Variants in DCTN4 observed in about 807,000 individuals in gnomAD.
DCTN4 encodes dynactin 4 (p62).
A neutral mutation model predicts 62.7 loss-of-function variants in DCTN4; 23 were observed. The ratio of observed to expected loss-of-function variants is 0.37; its 90% CI spans 0.26 to 0.52. DCTN4 has a LOEUF of 0.52. Ranked by LOEUF, DCTN4 falls within the 20% of genes least tolerant of loss-of-function variation. The pLI, the probability that DCTN4 is intolerant of heterozygous loss-of-function variation, is 0.92. For synonymous variants in DCTN4, 199 were observed against 202.1 expected (o/e 0.98, Z 0.13); for missense variants, 514 against 580.4 (o/e 0.89, Z 1.18).
At chr5:150,749,166 A>G (rs180674543) in intron 3 of DCTN4, among the ~76,000 whole-genome samples, 1 of 152,326 alleles carries the variant, frequency 6.6e-6, no homozygotes, top group Non-Finnish European at 1.5e-5. Context: ...GAAAAGGAAA[A>G]GGCAAGGCAC....
intron 4 of DCTN4, among the ~76,000 whole-genome samples, chr5:150,741,118 T>C (rs538558646): frequency 1.1e-4 from 16 of 139,308 alleles, no homozygotes; most frequent in Admixed American, 5.9e-4. Flanking sequence ...TGAGCTGTGA[T>C]CATGCAACTG....
chr5:150,758,633 T>A (rs1752949672), intron 1 of DCTN4: 1 of 1,254,024 alleles, frequency 8.0e-7, no homozygotes, highest in Admixed American at 3.2e-5. Context: ...GTTTGTCCAA[T>A]CAGAGGCCGC....
chr5:150,730,780 C>T, intron 7 of DCTN4, 40 bp from the exon 8 acceptor site: 5 of 1,556,764 alleles, frequency 3.2e-6, no homozygotes, highest in Non-Finnish European at 4.4e-6. Flanking sequence ...TTTACAGTGA[C>T]TTTCAAAATC....
In DCTN4 at chr5:150,738,672, T is replaced by C. The variant is rs192867816; in HGVS notation, c.429+3442A>G. Among the ~76,000 whole-genome samples the C allele has an allele frequency of 3.4e-3, 511 of 152,238 alleles. 2 individuals are homozygous for C. The highest frequency in any genetic ancestry group is 0.012 in the African/African-American group (483 of 41,532). ...CAACATTATACTGAACAGGGAAAAG[T>C]TGAAAACATTCCAGCTGAGAACTGG... On this transcript the variant is annotated intron_variant, in intron 4 of 12. Transcript: ENST00000447998.
chr5:150,731,333 G>C, intron 6 of DCTN4, 83 bp downstream of exon 6: 10 of 1,183,812 alleles, frequency 8.4e-6, no homozygotes, highest in African/African-American at 1.5e-5. Context: ...AACTGTGTGT[G>C]TGTGTGTGTT....
At chr5:150,748,434 T>C (rs1752540229) in intron 3 of DCTN4, among the ~76,000 whole-genome samples, 1 of 152,174 alleles carries the variant, frequency 6.6e-6, no homozygotes, top group Admixed American at 6.5e-5. Context: ...ATCCCATTAC[T>C]GGGTATATAC....
rs372609318 is a variant in DCTN4 at position 150,710,273 on chromosome 5, G to A, written c.*876C>T. 2.6e-5 allele frequency: 4 copies of A among 152,260 alleles called. No individual in the cohort carries two copies. The highest frequency in any genetic ancestry group is 9.7e-5 in the African/African-American group (4 of 41,408). 9.4% of individuals were successfully genotyped at this position (152,260 alleles called of 1,614,324 possible). On this transcript the variant is annotated 3_prime_UTR_variant, in exon 13 of 13. Transcript: ENST00000447998. ...CAGGTTTTCTTTGGGTTCTTTTCCA[G>A]GTCCCAAACAGAACAACTTAACTGA...
chr5:150,730,223 G>C (rs1452130242), intron 8 of DCTN4, among the ~76,000 whole-genome samples: 2 of 152,162 alleles, frequency 1.3e-5, no homozygotes, highest in Admixed American at 6.5e-5. Context: ...ATTTATTGAA[G>C]AAACTCTGTC....
intron 12 of DCTN4, among the ~76,000 whole-genome samples, chr5:150,715,341 G>A (rs994439915): frequency 6.6e-6 from 1 of 152,188 alleles, no homozygotes; most frequent in African/African-American, 2.4e-5. Flanking sequence ...GAAATATTTG[G>A]AAGGACAAAT....
intron 1 of DCTN4, chr5:150,758,046 A>C (rs1332646232): frequency 1.0e-6 from 1 of 957,694 alleles, no homozygotes; most frequent in Non-Finnish European, 1.2e-6. Context: ...AGCAGCAACT[A>C]TTACTACTAT....
At chr5:150,727,940 T>C (rs1352190499) in intron 8 of DCTN4, among the ~76,000 whole-genome samples, 1 of 152,136 alleles carries the variant, frequency 6.6e-6, no homozygotes, top group Admixed American at 6.5e-5. Flanking sequence ...GTAAATTATA[T>C]TTGTTCTGAA....
rs371691380 is a variant in DCTN4, at chr5:150,742,078, G to A, written c.429+36C>T. 5.4e-5 allele frequency: 86 copies of A among 1,604,606 alleles called. No individual in the cohort carries two copies. In the East Asian group the frequency reaches 6.2e-4, roughly 12 times the overall value. On this transcript the variant is annotated intron_variant, in intron 4 of 12. Transcript: ENST00000447998. The stretch of plus-strand genomic sequence containing the variant: ...TTCAGTCTTTTACTCAATTTTTTCC[G>A]ATTTCATCCTCTCTCTCTTATGACC...
rs369286421 is a variant in DCTN4 at position 150,711,303 on chromosome 5, C to T, written c.1229G>A (p.Arg410His). ...VGIFIKVTPQ[R>H]EEGEVTVCFK... ...GCACACGGTCACTTCACCCTCCTCA[C>T]GCTGTGGTGTAACTTTGATGAAAAT... Residue 410 changes from arginine to histidine, a missense_variant, in exon 13 of 13, where the codon CGT (arginine) becomes CAT (histidine). Transcript: ENST00000447998. The T allele has an allele frequency of 1.8e-5, 29 of 1,613,366 alleles. No individual in the cohort carries two copies. The highest frequency in any genetic ancestry group is 7.7e-5 in the South Asian group (7 of 91,046).
chr5:150,726,114 G>A (rs1760136676), intron 8 of DCTN4, among the ~76,000 whole-genome samples: 2 of 152,040 alleles, frequency 1.3e-5, no homozygotes, highest in African/African-American at 2.4e-5. Flanking sequence ...GAGATGCAGG[G>A]CTTCTAAATA....
At chr5:150,745,675 C>A (rs1179388277) in intron 3 of DCTN4, among the ~76,000 whole-genome samples, 4 of 151,316 alleles carry the variant, frequency 2.6e-5, no homozygotes, top group Non-Finnish European at 5.9e-5. Flanking sequence ...ACTGAACAAC[C>A]TGCTCCTGAA....
chr5:150,755,428 CCTGACAAACA>C (rs1271606205), intron 2 of DCTN4: 6 of 421,398 alleles, frequency 1.4e-5, no homozygotes, highest in African/African-American at 4.1e-5. Flanking sequence ...AGTGGAGAAA[CCTGACAAACA>C]CTAGCTCAAG....
intron 3 of DCTN4, among the ~76,000 whole-genome samples, chr5:150,745,333 A>G (rs1760921581): frequency 6.6e-6 from 1 of 151,262 alleles, no homozygotes; most frequent in Non-Finnish European, 1.5e-5. Context: ...CTCCCACACA[A>G]TAATAATGGG....
chr5:150,739,430 A>G (rs1760695186), intron 4 of DCTN4, among the ~76,000 whole-genome samples: 1 of 152,234 alleles, frequency 6.6e-6, no homozygotes, highest in Non-Finnish European at 1.5e-5. Context: ...GAAATCACAG[A>G]TAACACAAAC....
In DCTN4 at chr5:150,748,729, T is replaced by C. The variant is rs566191768; in HGVS notation, c.385+4750A>G. Among the ~76,000 whole-genome samples, 10 of 140,146 alleles carry C rather than the reference T, an allele frequency of 7.1e-5. No homozygotes were observed. In the East Asian group the frequency reaches 1.9e-3, roughly 27 times the overall value. 91.9% of individuals were successfully genotyped at this position (140,146 alleles called of 152,430 possible). A position where few individuals can be genotyped will look rare whatever the true frequency, so the allele number is the denominator to read the frequency against. Reference sequence around the variant, plus strand: ...GCATGTTCTCACTCATAGATGGGAATTGAACAATGAGAACACATGGACACA... The same window carrying C: ...GCATGTTCTCACTCATAGATGGGAACTGAACAATGAGAACACATGGACACA... On this transcript the variant is annotated intron_variant, in intron 3 of 12. Coordinates refer to ENST00000447998, the MANE Select transcript of DCTN4 (RefSeq NM_016221.4).
Sources: allele counts gnomAD v4.1 joint callset (sites outside exome capture counted in the v4.1 genomes callset), GRCh38; gene constraint gnomAD v4.1.1; transcripts MANE v1.5; gene names NCBI Gene and HGNC (gene_info 2026-07-23, HGNC 2026-07-21).